Variants in DCLRE1C observed in about 807,000 individuals in gnomAD.
DCLRE1C encodes the protein DNA cross-link repair 1C.
In DCLRE1C, 47 loss-of-function variants were observed where a neutral mutation model predicts 61.4. That is an observed-to-expected ratio of 0.77 (90% CI 0.61 to 0.98). DCLRE1C has a LOEUF of 0.98. Among genes scored for constraint, DCLRE1C ranks in the 50% least tolerant of loss-of-function variants. The pLI is 0.00. For missense variants in DCLRE1C, 858 were observed against 816.0 expected, an observed-to-expected ratio of 1.05 and a Z score of -0.63; for synonymous variants, 337 against 287.6, an observed-to-expected ratio of 1.17 and a Z score of -1.74.
intron 11 of DCLRE1C, among the ~76,000 whole-genome samples, chr10:14,925,882 T>A (rs1343673679): frequency 6.6e-6 from 1 of 152,200 alleles, no homozygotes. Flanking sequence ...GTAGCTTCCA[T>A]CATCCCCATG....
At chr10:14,929,079 C>A (rs956819501) in intron 9 of DCLRE1C, among the ~76,000 whole-genome samples, 1 of 152,184 alleles carries the variant, frequency 6.6e-6, no homozygotes, top group Non-Finnish European at 1.5e-5. Context: ...TGGGCCCAGA[C>A]CCTTGTACCA....
chr10:14,918,330 A>G (rs1029634593), intron 13 of DCLRE1C, among the ~76,000 whole-genome samples: 10 of 152,224 alleles, frequency 6.6e-5, no homozygotes, highest in African/African-American at 9.6e-5. Context: ...GATACATGCA[A>G]CAACATGAAT....
rs1373511468 is a variant in DCLRE1C, at chr10:14,909,336, G to A, written c.1157-6C>T. The A allele has an allele frequency of 2.5e-6, 4 of 1,612,326 alleles. No individual in the cohort carries two copies. The East Asian group carries it at 8.9e-5, about 36-fold the overall frequency. On this transcript the variant is annotated splice_polypyrimidine_tract_variant and splice_region_variant and intron_variant, in intron 13 of 13. Coordinates refer to ENST00000378278, the MANE Select transcript of DCLRE1C (RefSeq NM_001033855.3). ...GAGATAGTCATCTTCCTCCTCTGTG[G>A]GACAAACAAAACAGGTTTATAGGAA...
intron 13 of DCLRE1C, among the ~76,000 whole-genome samples, chr10:14,915,516 C>CA (rs35029812): frequency 6.6e-6 from 1 of 150,984 alleles, no homozygotes; most frequent in African/African-American, 2.4e-5. Flanking sequence ...AAGTTTATGC[C>CA]AAAAAATTAA....
At chr10:14,910,668 T>G (rs1231560341) in intron 13 of DCLRE1C, among the ~76,000 whole-genome samples, 1 of 152,182 alleles carries the variant, frequency 6.6e-6, no homozygotes, top group Admixed American at 6.5e-5. Flanking sequence ...TCAGTGACTA[T>G]GCCTGATCCC....
chr10:14,901,075 TGTAGAAG>T, downstream of DCLRE1C: 2 of 1,583,600 alleles, frequency 1.3e-6, no homozygotes, highest in Non-Finnish European at 1.7e-6. Flanking sequence ...TTATATGGCA[TGTAGAAG>T]GGCTTGTTTA....
intron 8 of DCLRE1C, among the ~76,000 whole-genome samples, chr10:14,934,130 C>T (rs1022297655): frequency 4.6e-5 from 7 of 152,012 alleles, no homozygotes; most frequent in Admixed American, 3.3e-4. Context: ...GAGTTCAAGA[C>T]CAGCCTGGCC....
intron 11 of DCLRE1C, among the ~76,000 whole-genome samples, chr10:14,926,099 G>A (rs761240125): frequency 1.3e-5 from 2 of 152,166 alleles, no homozygotes; most frequent in Non-Finnish European, 2.9e-5. Context: ...GGAACTATGA[G>A]TCAATTAAAC....
chr10:14,937,709 G>T (rs1408442785), intron 4 of DCLRE1C, among the ~76,000 whole-genome samples: 1 of 151,928 alleles, frequency 6.6e-6, no homozygotes, highest in Admixed American at 6.6e-5. Flanking sequence ...TGGCCAACAT[G>T]GCGAAACCCT....
chr10:14,934,718 G>A lies in DCLRE1C; in HGVS notation c.522C>T (p.Tyr174=). Residue 174 remains tyrosine, a synonymous_variant, in exon 7 of 14, where the codon TAC becomes TAT. Coordinates refer to ENST00000378278, the MANE Select transcript of DCLRE1C (RefSeq NM_001033855.3). ...LDTTFCDPRF[Y]QIPSREECLS... ...GCAGACTTACCCGACTTGGAATTTG[G>A]TAAAATCTTGGATCACAGAACGTAG... The A allele has an allele frequency of 6.2e-7, 1 of 1,613,932 alleles. No homozygotes were observed. Among genetic ancestry groups the A allele is most frequent in the South Asian group, 1.1e-5 (1 of 91,068 alleles).
rs770226530 is a variant in DCLRE1C at position 14,926,900 on chromosome 10, A to G, written c.918-3T>C. 6 of 1,612,846 alleles carry G rather than the reference A, an allele frequency of 3.7e-6. No homozygotes were observed. The African/African-American group carries it at 6.7e-5, about 18-fold the overall frequency. On this transcript the variant is annotated splice_region_variant and splice_polypyrimidine_tract_variant and intron_variant, in intron 10 of 13. Coordinates refer to ENST00000378278, the MANE Select transcript of DCLRE1C (RefSeq NM_001033855.3). Reference sequence around the variant, plus strand: ...CTCTGTATGAACTCTCTCCAGTCCTAAAGGGAAGTGAAAACACAAAATAAA... The same window carrying G: ...CTCTGTATGAACTCTCTCCAGTCCTGAAGGGAAGTGAAAACACAAAATAAA...
At chr10:14,909,702 C>T (rs1834928794) in intron 13 of DCLRE1C, among the ~76,000 whole-genome samples, 1 of 152,092 alleles carries the variant, frequency 6.6e-6, no homozygotes, top group African/African-American at 2.4e-5. Flanking sequence ...AGTTCTACAG[C>T]TGATATCTGT....
chr10:14,926,031 T>C lies in DCLRE1C; in HGVS notation c.972+812A>G, dbSNP rs41298910. On this transcript the variant is annotated intron_variant, in intron 11 of 13. Coordinates refer to ENST00000378278, the MANE Select transcript of DCLRE1C (RefSeq NM_001033855.3). ...CACTCTGCACTTCTTGCTGCCGCCA[T>C]GTGAAGAAGGATGTGTTTGCTATGA... is the stretch of plus-strand genomic sequence containing the variant. 9.8e-3 allele frequency among the ~76,000 whole-genome samples: 1,494 copies of C among 152,286 alleles called. 26 individuals carry two copies. Among genetic ancestry groups the C allele is most frequent in the African/African-American group, 0.034 (1,431 of 41,556 alleles).
Position 14,906,844 on chromosome 10 carries a change from G to A in DCLRE1C, c.*1564C>T, listed in dbSNP as rs1165451101. 1.3e-5 allele frequency among the ~76,000 whole-genome samples: 2 copies of A among 151,080 alleles called. No homozygotes were observed. The highest frequency in any genetic ancestry group is 4.9e-5 in the African/African-American group (2 of 40,452). On this transcript the variant is annotated 3_prime_UTR_variant, in exon 14 of 14. Transcript: ENST00000378278. ...CACATTGATGGACTTCAAGAATGTT[G>A]AATGACTCACAGAATAACACATATA...
intron 13 of DCLRE1C, among the ~76,000 whole-genome samples, chr10:14,918,006 A>C (rs1394484261): frequency 6.6e-6 from 1 of 152,192 alleles, no homozygotes; most frequent in East Asian, 1.9e-4. Context: ...AAAAAGTCTA[A>C]CCATACCAAG....
At chr10:14,940,516 C>T (rs1404860711) in intron 3 of DCLRE1C, among the ~76,000 whole-genome samples, 1 of 151,984 alleles carries the variant, frequency 6.6e-6, no homozygotes, top group Non-Finnish European at 1.5e-5. Context: ...GTCTCCAACT[C>T]CTAACCTCAG....
At chr10:14,952,756 C>T (rs576923857) in intron 1 of DCLRE1C, among the ~76,000 whole-genome samples, 7 of 151,956 alleles carry the variant, frequency 4.6e-5, no homozygotes, top group Admixed American at 1.3e-4. Flanking sequence ...GTGCACGATG[C>T]GAATACGGCA....
chr10:14,928,835 T>C (rs1202350929), intron 9 of DCLRE1C, among the ~76,000 whole-genome samples: 1 of 147,840 alleles, frequency 6.8e-6, no homozygotes, highest in African/African-American at 2.5e-5. Flanking sequence ...CAGGCTGGAG[T>C]GTGGTGGTAC....
At chr10:14,911,915 T>C (rs1218284747) in intron 13 of DCLRE1C, among the ~76,000 whole-genome samples, 2 of 152,198 alleles carry the variant, frequency 1.3e-5, no homozygotes, top group African/African-American at 4.8e-5. Context: ...AGGATGGCTA[T>C]ACTAAAAAAG....
Sources: gnomAD v4.1 joint callset for allele counts (sites outside exome capture counted in the v4.1 genomes callset) on GRCh38, gnomAD v4.1.1 for gene constraint, MANE v1.5 for transcripts, NCBI Gene and HGNC (gene_info 2026-07-23, HGNC 2026-07-21) for gene names.